The following PIGK variants were observed in gnomAD, a reference collection of about 807,000 sequenced individuals.
PIGK encodes the protein phosphatidylinositol glycan anchor biosynthesis class K.
In PIGK, 42 loss-of-function variants were observed where a neutral mutation model predicts 50.6. The observed-to-expected ratio is 0.83, with a 90% CI of 0.65 to 1.07. The LOEUF (loss-of-function observed/expected upper bound fraction) is 1.07. Ranked by LOEUF, PIGK falls within the 50% of genes least tolerant of loss-of-function variation. The pLI, the probability that PIGK is intolerant of heterozygous loss-of-function variation, is 0.00. For missense variants in PIGK, 448 were observed against 488.7 expected, an observed-to-expected ratio of 0.92 and a Z score of 0.78; for synonymous variants, 151 against 156.0, an observed-to-expected ratio of 0.97 and a Z score of 0.24.
At chr1:77,121,830 G>GCAGAAT (rs1243832746) in intron 10 of PIGK, among the ~76,000 whole-genome samples, 1 of 152,158 alleles carries the variant, frequency 6.6e-6, no homozygotes, top group Non-Finnish European at 1.5e-5. Flanking sequence ...CACATGACAT[G>GCAGAAT]CAGAATTATA....
At chr1:77,165,454 C>T (rs1292022501) in intron 5 of PIGK, among the ~76,000 whole-genome samples, 1 of 151,840 alleles carries the variant, frequency 6.6e-6, no homozygotes, top group East Asian at 1.9e-4. Context: ...AAGTAGGGGT[C>T]ATTAACTATG....
chr1:77,133,677 T>C (rs1486543504), intron 9 of PIGK, among the ~76,000 whole-genome samples: 1 of 152,202 alleles, frequency 6.6e-6, no homozygotes, highest in Non-Finnish European at 1.5e-5. Context: ...ATTCAGGGAC[T>C]GAGCTGAATT....
At chr1:77,109,870 T>A (rs920837256) in intron 10 of PIGK, among the ~76,000 whole-genome samples, 4 of 152,196 alleles carry the variant, frequency 2.6e-5, no homozygotes, top group African/African-American at 4.8e-5. Context: ...CCCCATTGTC[T>A]CAGCCCAAAA....
intron 10 of PIGK, among the ~76,000 whole-genome samples, chr1:77,116,597 C>CGTGTGTGTGT (rs1451998373): frequency 2.0e-4 from 10 of 49,290 alleles, no homozygotes; most frequent in African/African-American, 1.2e-3. Flanking sequence ...TGTGTGTGTG[C>CGTGTGTGTGT]GCGTGTGTGT....
chr1:77,189,748 TAC>T (rs200985315), intron 3 of PIGK, among the ~76,000 whole-genome samples: 855 of 53,688 alleles, frequency 0.016, 16 homozygotes, highest in Middle Eastern at 0.035. Flanking sequence ...TATATATATA[TAC>T]ACACACACAC....
chr1:77,101,489 A>G (rs1653539482), intron 10 of PIGK, among the ~76,000 whole-genome samples: 1 of 152,148 alleles, frequency 6.6e-6, no homozygotes, highest in African/African-American at 2.4e-5. Flanking sequence ...TTTGAACCTG[A>G]TCAGGTCCTC....
chr1:77,109,570 T>A (rs1423634424), intron 10 of PIGK, among the ~76,000 whole-genome samples: 1 of 152,200 alleles, frequency 6.6e-6, no homozygotes, highest in Non-Finnish European at 1.5e-5. Flanking sequence ...CACTTCATGC[T>A]AAAAACTCTA....
chr1:77,124,076 A>C (rs74092422), intron 9 of PIGK, among the ~76,000 whole-genome samples: 17,165 of 152,068 alleles, frequency 0.11, 1,322 homozygotes, highest in African/African-American at 0.21. Flanking sequence ...GGAGAAATCA[A>C]TCCTGCTGAC....
chr1:77,196,554 T>A (rs1656042041), intron 3 of PIGK, among the ~76,000 whole-genome samples: 1 of 152,208 alleles, frequency 6.6e-6, no homozygotes, highest in Non-Finnish European at 1.5e-5. Flanking sequence ...TTGATTTGCA[T>A]TTCTCTAGTA....
chr1:77,168,821 A>T (rs1034874995), intron 4 of PIGK, among the ~76,000 whole-genome samples: 1 of 151,946 alleles, frequency 6.6e-6, no homozygotes, highest in African/African-American at 2.4e-5. Flanking sequence ...CATTTTTTAC[A>T]TTTACATTTT....
At chr1:77,129,178 T>C (rs1035082114) in intron 9 of PIGK, 3 of 1,566,114 alleles carry the variant, frequency 1.9e-6, no homozygotes, top group Non-Finnish European at 2.6e-6. Flanking sequence ...GGTTCCAATC[T>C]TCGTGTTCAC....
chr1:77,187,496 T>C (rs1655777477), intron 3 of PIGK, among the ~76,000 whole-genome samples: 1 of 152,162 alleles, frequency 6.6e-6, no homozygotes, highest in South Asian at 2.1e-4. Flanking sequence ...GAAGTTAAGA[T>C]TGCCACCTGG....
At chr1:77,162,016 C>T (rs1217590773) in intron 6 of PIGK, among the ~76,000 whole-genome samples, 1 of 152,130 alleles carries the variant, frequency 6.6e-6, no homozygotes, top group Non-Finnish European at 1.5e-5. Context: ...TTATTTGGCA[C>T]CCATGCTGTC....
At chr1:77,110,583 T>C (rs1276468468) in intron 10 of PIGK, among the ~76,000 whole-genome samples, 1 of 152,142 alleles carries the variant, frequency 6.6e-6, no homozygotes, top group African/African-American at 2.4e-5. Flanking sequence ...CTGGATCCCT[T>C]CCTTACACCT....
At chr1:77,185,975 C>T (rs1344835585) in intron 3 of PIGK, among the ~76,000 whole-genome samples, 1 of 152,020 alleles carries the variant, frequency 6.6e-6, no homozygotes, top group Non-Finnish European at 1.5e-5. Context: ...CGACCTGAAC[C>T]GCCTATCATG....
intron 9 of PIGK, among the ~76,000 whole-genome samples, chr1:77,135,738 C>T (rs893812278): frequency 4.0e-5 from 6 of 151,504 alleles, no homozygotes; most frequent in African/African-American, 1.2e-4. Flanking sequence ...ATGTAAACTG[C>T]ATACTTTCCT....
At chr1:77,147,271 C>T (rs1409120047) in intron 9 of PIGK, among the ~76,000 whole-genome samples, 2 of 151,838 alleles carry the variant, frequency 1.3e-5, no homozygotes, top group African/African-American at 2.4e-5. Context: ...TATCTCCCAC[C>T]GGGTCCCTCC....
chr1:77,114,762 A>G (rs775998972), intron 10 of PIGK, among the ~76,000 whole-genome samples: 4 of 152,186 alleles, frequency 2.6e-5, no homozygotes, highest in Non-Finnish European at 5.9e-5. Flanking sequence ...CATATCTGAT[A>G]TTAAGAGATT....
At chr1:77,217,285 G>C (rs906564617) in intron 1 of PIGK, among the ~76,000 whole-genome samples, 1 of 152,142 alleles carries the variant, frequency 6.6e-6, no homozygotes, top group Non-Finnish European at 1.5e-5. Context: ...ACCTGACCTG[G>C]TCAGGAAAGT....
Sources: allele counts gnomAD v4.1 joint callset (sites outside exome capture counted in the v4.1 genomes callset), GRCh38; gene constraint gnomAD v4.1.1; transcripts MANE v1.5; gene names NCBI Gene and HGNC (gene_info 2026-07-23, HGNC 2026-07-21).